Variants in CENPE observed in about 807,000 individuals in gnomAD.
CENPE encodes centromere-associated protein E.
In CENPE, 145 loss-of-function variants were observed where a neutral mutation model predicts 336.1. That is an observed-to-expected ratio of 0.43 (90% CI 0.38 to 0.50). The LOEUF is 0.50. Ranked by LOEUF, CENPE falls within the 20% of genes least tolerant of loss-of-function variation. The pLI, the probability that CENPE is intolerant of heterozygous loss-of-function variation, is 0.00. For synonymous variants in CENPE, 1,013 were observed against 984.8 expected, an observed-to-expected ratio of 1.03 and a Z score of -0.54; for missense variants, 2,719 against 3,023.3, an observed-to-expected ratio of 0.90 and a Z score of 2.36.
intron 24 of CENPE, among the ~76,000 whole-genome samples, chr4:103,154,484 G>A (rs1753811540): frequency 6.6e-6 from 1 of 152,006 alleles, no homozygotes; most frequent in Non-Finnish European, 1.5e-5. Flanking sequence ...CCCCCTTATT[G>A]TTGGCAATAT....
Position 103,105,952 on chromosome 4 carries a change from A to C in CENPE, c.*270T>G, listed in dbSNP as rs576508066. On this transcript the variant is annotated 3_prime_UTR_variant, in exon 49 of 49. Coordinates refer to ENST00000265148, the MANE Select transcript of CENPE (RefSeq NM_001813.3). ...TGTAGATAACTTTACATTTCTTTCA[A>C]TAACTTTATTCTTTACAAAATATAC... The C allele has an allele frequency of 1.3e-4, 32 of 244,810 alleles. No individual in the cohort carries two copies. Among genetic ancestry groups the C allele is most frequent in the African/African-American group, 7.1e-4 (32 of 44,990 alleles). 15.2% of individuals were successfully genotyped at this position (244,810 alleles called of 1,614,324 possible).
intron 16 of CENPE, among the ~76,000 whole-genome samples, chr4:103,166,295 G>A (rs1035698599): frequency 6.6e-6 from 1 of 152,150 alleles, no homozygotes; most frequent in East Asian, 1.9e-4. Context: ...AATAGGATTG[G>A]ATCTGCGGTA....
In CENPE at chr4:103,143,355, G is replaced by A; in HGVS notation, c.5197C>T (p.His1733Tyr). 1.2e-6 allele frequency: 2 copies of A among 1,606,394 alleles called. No individual in the cohort carries two copies. The highest frequency in any genetic ancestry group is 2.2e-5 in the South Asian group (2 of 90,182). The stretch of plus-strand genomic sequence containing the variant: ...CTTAGTTTATCAATAGTTTCTTGGT[G>A]CTCCTTCAGATGCATGTGAACAATT... ...LKIVHMHLKE[H>Y]QETIDKLRGI... The change falls in exon 34 of 49, where the codon CAC becomes TAC. Residue 1733 changes from histidine to tyrosine, a missense_variant. Transcript: ENST00000265148.
intron 22 of CENPE, 42 bp downstream of exon 22, chr4:103,158,968 G>A (rs766434573): frequency 6.5e-6 from 10 of 1,533,160 alleles, no homozygotes; most frequent in Non-Finnish European, 7.0e-6. Flanking sequence ...CAAAACCCCA[G>A]AAGACTAAGG....
At chr4:103,148,687 C>T (rs942109382) in intron 28 of CENPE, among the ~76,000 whole-genome samples, 157 bp downstream of exon 28, 1 of 152,192 alleles carries the variant, frequency 6.6e-6, no homozygotes, top group Non-Finnish European at 1.5e-5. Flanking sequence ...CATTGCATTT[C>T]TATAACCTAG....
intron 46 of CENPE, among the ~76,000 whole-genome samples, chr4:103,112,143 T>C (rs1325423999): frequency 6.6e-6 from 1 of 151,214 alleles, no homozygotes. Context: ...CATAACTATA[T>C]ATATGTGTGC....
chr4:103,126,926 T>C (rs1242507147), intron 42 of CENPE, among the ~76,000 whole-genome samples: 1 of 149,852 alleles, frequency 6.7e-6, no homozygotes, highest in African/African-American at 2.5e-5. Flanking sequence ...ATCCTAGAAG[T>C]GTGCAGTAAT....
At chr4:103,189,257 T>C (rs956572541) in intron 8 of CENPE, among the ~76,000 whole-genome samples, 2 of 152,114 alleles carry the variant, frequency 1.3e-5, no homozygotes, top group Non-Finnish European at 2.9e-5. Context: ...TTCTAATCAA[T>C]ACAAAACAAG....
At chr4:103,174,997 T>A in intron 15 of CENPE, 94 bp from the exon 16 acceptor site, 1 of 709,798 alleles carries the variant, frequency 1.4e-6, no homozygotes, top group Non-Finnish European at 2.2e-6. Context: ...CTACTTTAAC[T>A]TTGATTTGAT....
chr4:103,132,331 T>C (rs1247154637), intron 42 of CENPE, among the ~76,000 whole-genome samples: 2 of 152,220 alleles, frequency 1.3e-5, no homozygotes, highest in Non-Finnish European at 2.9e-5. Context: ...TCTATGACTT[T>C]ACCACAGTTG....
intron 11 of CENPE, 130 bp from the exon 12 acceptor site, chr4:103,181,586 G>C (rs1313338927): frequency 1.6e-6 from 1 of 644,616 alleles, no homozygotes; most frequent in Admixed American, 4.1e-5. Context: ...TAATACTTTT[G>C]AACAAAGGGA....
intron 8 of CENPE, among the ~76,000 whole-genome samples, chr4:103,190,172 G>T (rs1280721581): frequency 6.6e-6 from 1 of 152,166 alleles, no homozygotes; most frequent in East Asian, 1.9e-4. Context: ...AACATTCCAT[G>T]CTCATGGGTA....
chr4:103,131,975 G>A (rs1245145417), intron 42 of CENPE, among the ~76,000 whole-genome samples: 1 of 152,080 alleles, frequency 6.6e-6, no homozygotes, highest in East Asian at 1.9e-4. Context: ...TGGAACCCAG[G>A]GAATTTTTAT....
At chr4:103,141,962 A>T (rs1200435831) in intron 34 of CENPE, 54 bp from the exon 35 acceptor site, 10 of 1,115,426 alleles carry the variant, frequency 9.0e-6, no homozygotes, top group Non-Finnish European at 1.2e-5. Context: ...ATTAGTTTTT[A>T]AAAAATAAAG....
At chr4:103,171,686 A>T (rs1462638159) in intron 16 of CENPE, among the ~76,000 whole-genome samples, 2 of 151,778 alleles carry the variant, frequency 1.3e-5, no homozygotes, top group African/African-American at 4.8e-5. Context: ...TAGGGACTTT[A>T]AAAAAATCCA....
chr4:103,145,171 T>G lies in CENPE; in HGVS notation c.4736A>C (p.Gln1579Pro). The part of the protein sequence containing the change: ...SKMLELTNRL[Q>P]ESQEEIQIMI... ...AATTTGTATTTCTTCTTGACTTTCT[T>G]GAAGTCTGTTGGTCAACTCGAGCAT... is the stretch of plus-strand genomic sequence containing the variant. Residue 1579 changes from glutamine to proline, a missense_variant, in exon 32 of 49, where the codon CAA becomes CCA. Physicochemically the swap from Gln to Pro is moderately conservative, Grantham distance 76 (BLOSUM62 -1). Around this residue, in one of 5 missense-constraint regions of CENPE, gnomAD observed 2,437 missense variants for 2,513.3 expected, o/e 0.97. Transcript: ENST00000265148. The G allele has an allele frequency of 1.2e-6, 2 of 1,613,520 alleles. No homozygotes were observed. The highest frequency in any genetic ancestry group is 2.7e-5 in the African/African-American group (2 of 75,030).
chr4:103,146,146 G>A lies in CENPE; in HGVS notation c.4135-39C>T, dbSNP rs756087471. ...TAAAACAGTACAGTTGATATCCAGA[G>A]ATATTGTGTTTTAGGGGAAAATAAA... On this transcript the variant is annotated intron_variant, in intron 29 of 48. Coordinates refer to ENST00000265148, the MANE Select transcript of CENPE (RefSeq NM_001813.3). 5.7e-6 allele frequency: 9 copies of A among 1,566,966 alleles called. No individual in the cohort carries two copies. The South Asian group carries it at 1.1e-4, about 19-fold the overall frequency.
At chr4:103,114,686 C>A (rs1015252300) in intron 45 of CENPE, 134 bp from the exon 46 acceptor site, 1 of 621,228 alleles carries the variant, frequency 1.6e-6, no homozygotes, top group Non-Finnish European at 2.8e-6. Flanking sequence ...GATAAGCCCT[C>A]GTGATACCTC....
chr4:103,145,001 T>A (rs1752890002), intron 32 of CENPE, 49 bp downstream of exon 32: 3 of 1,423,604 alleles, frequency 2.1e-6, no homozygotes, highest in Non-Finnish European at 2.8e-6. Context: ...ATTATCACCT[T>A]AACACTATTT....
Sources: allele counts gnomAD v4.1 joint callset (sites outside exome capture counted in the v4.1 genomes callset), GRCh38; gene constraint gnomAD v4.1.1; regional missense constraint gnomAD v4.1.1; transcripts MANE v1.5; gene names NCBI Gene and HGNC (gene_info 2026-07-23, HGNC 2026-07-21).